ZFHX3: variants seen among roughly 807,000 people sequenced by gnomAD.
ZFHX3 encodes zinc finger homeobox 3.
In ZFHX3, 42 loss-of-function variants were observed where a neutral mutation model predicts 279.1. That is an observed-to-expected ratio of 0.15 (90% CI 0.12 to 0.19). The LOEUF is 0.19. Among genes scored for constraint, ZFHX3 ranks in the 10% least tolerant of loss-of-function variants. The probability of loss-of-function intolerance (pLI) is 1.00; values close to 1 mark genes in which losing one functional copy is unlikely to be tolerated. For synonymous variants in ZFHX3, 2,293 were observed against 1,957.8 expected (o/e 1.17, Z -4.52); for missense variants, 4,981 against 4,754.0 (o/e 1.05, Z -1.40).
At chr16:73,601,577 A>T (rs1403595713) in intron 2 of ZFHX3, among the ~76,000 whole-genome samples, 1 of 152,054 alleles carries the variant, frequency 6.6e-6, no homozygotes, top group Non-Finnish European at 1.5e-5. Context: ...AAATATGTTT[A>T]TGATTTTGTA....
At chr16:73,467,937 G>A (rs2018601122) in intron 2 of ZFHX3, among the ~76,000 whole-genome samples, 1 of 152,154 alleles carries the variant, frequency 6.6e-6, no homozygotes, top group Admixed American at 6.6e-5. Flanking sequence ...CCCAGCCTGT[G>A]GAATCTGTAA....
intron 1 of ZFHX3, among the ~76,000 whole-genome samples, chr16:73,716,419 G>A (rs558792847): frequency 6.6e-6 from 1 of 152,234 alleles, no homozygotes; most frequent in African/African-American, 2.4e-5. Context: ...CAATTAAGCT[G>A]CTGGCCAGGA....
intron 7 of ZFHX3, among the ~76,000 whole-genome samples, chr16:72,804,392 T>C (rs2036201526): frequency 6.6e-6 from 1 of 152,200 alleles, no homozygotes; most frequent in Non-Finnish European, 1.5e-5. Flanking sequence ...ACAAAAGCCT[T>C]AGAAATCTAA....
intron 5 of ZFHX3, among the ~76,000 whole-genome samples, chr16:73,146,006 C>T (rs1966861210): frequency 6.6e-6 from 1 of 152,120 alleles, no homozygotes; most frequent in South Asian, 2.1e-4. Context: ...TGGCATATAA[C>T]CAGGCTAGTA....
chr16:73,601,268 T>C (rs1382653354), intron 2 of ZFHX3, among the ~76,000 whole-genome samples: 1 of 140,156 alleles, frequency 7.1e-6, no homozygotes, highest in African/African-American at 2.7e-5. Context: ...CTGGCCAATA[T>C]GGTGAAACCC....
chr16:72,925,766 C>T (rs1959416698), intron 3 of ZFHX3, among the ~76,000 whole-genome samples: 1 of 152,202 alleles, frequency 6.6e-6, no homozygotes, highest in African/African-American at 2.4e-5. Context: ...CTACTCCTTC[C>T]CTGACCAAAC....
chr16:73,689,405 T>A (rs2053123831), intron 1 of ZFHX3, among the ~76,000 whole-genome samples: 1 of 152,212 alleles, frequency 6.6e-6, no homozygotes, highest in African/African-American at 2.4e-5. Context: ...CTGAGCTATG[T>A]GCACAAAGTA....
At chr16:73,197,666 T>A (rs921710397) in intron 5 of ZFHX3, among the ~76,000 whole-genome samples, 1 of 152,200 alleles carries the variant, frequency 6.6e-6, no homozygotes, top group East Asian at 1.9e-4. Context: ...TCATTTCTAA[T>A]GTTACATACT....
intron 2 of ZFHX3, among the ~76,000 whole-genome samples, chr16:73,641,087 C>T (rs925134567): frequency 6.6e-6 from 1 of 152,136 alleles, no homozygotes; most frequent in Non-Finnish European, 1.5e-5. Flanking sequence ...CAATTCTACA[C>T]CCACAGTATC....
intron 1 of ZFHX3, among the ~76,000 whole-genome samples, chr16:73,858,206 C>T (rs1961789442): frequency 6.6e-6 from 1 of 152,050 alleles, no homozygotes; most frequent in Non-Finnish European, 1.5e-5. Flanking sequence ...GTTGGGGCAT[C>T]CAATACAAGA....
chr16:72,798,639 G>A lies in ZFHX3; in HGVS notation c.4043C>T (p.Pro1348Leu). Residue 1348 changes from proline (P) to leucine (L), a missense_variant, in exon 9 of 10, where the codon CCT (proline) becomes CTT (leucine). Physicochemically the swap from Pro to Leu is moderately conservative, Grantham distance 98 (BLOSUM62 -3). This residue lies in a region of ZFHX3 where 1,751 missense variants were observed against 1,770.0 expected (regional missense o/e 0.99). Coordinates refer to ENST00000268489, the MANE Select transcript of ZFHX3 (RefSeq NM_006885.4). ...TEQSGDLKPS[P>L]ADPGSVREDS... ...TTCTCTCACAGAGCCTGGGTCAGCA[G>A]GGGATGGTTTCAAATCTCCGCTTTG... 1.2e-6 allele frequency: 2 copies of A among 1,613,946 alleles called. No homozygotes were observed. Among genetic ancestry groups the A allele is most frequent in the Non-Finnish European group, 1.7e-6 (2 of 1,179,968 alleles).
rs984975898 is a variant in ZFHX3 at position 73,280,552 on chromosome 16, T to C, written c.-1193-23416A>G. 2.0e-5 allele frequency among the ~76,000 whole-genome samples: 3 copies of C among 152,244 alleles called. No individual in the cohort carries two copies. In the South Asian group the frequency reaches 6.2e-4, roughly 32 times the overall value. On this transcript the variant is annotated intron_variant, in intron 4 of 17. Transcript: ENST00000641206. ...AGGGAAATGCAAATCAAAAGCACAA[T>C]GAGATGTCATCTCATGCTAGTTAGT...
chr16:73,713,641 T>C (rs533330817), intron 1 of ZFHX3, among the ~76,000 whole-genome samples: 1 of 151,778 alleles, frequency 6.6e-6, no homozygotes, highest in East Asian at 1.9e-4. Flanking sequence ...TTTTTTTTTT[T>C]TTATACTCTA....
chr16:73,855,554 G>C (rs1045695318), intron 1 of ZFHX3, among the ~76,000 whole-genome samples: 1 of 152,064 alleles, frequency 6.6e-6, no homozygotes, highest in African/African-American at 2.4e-5. Context: ...TCAAACAAGT[G>C]CCAAAACTCT....
intron 5 of ZFHX3, among the ~76,000 whole-genome samples, chr16:72,818,553 T>C (rs940302560): frequency 2.6e-5 from 4 of 152,182 alleles, no homozygotes; most frequent in Admixed American, 1.3e-4. Flanking sequence ...TCATTCTGCC[T>C]CCAACCAAGC....
At chr16:73,075,859 T>C (rs1965882652) in intron 8 of ZFHX3, among the ~76,000 whole-genome samples, 1 of 152,080 alleles carries the variant, frequency 6.6e-6, no homozygotes. Flanking sequence ...CTCGAACTCC[T>C]GACCTCGTGA....
chr16:73,696,806 T>C (rs2053201783), intron 1 of ZFHX3, among the ~76,000 whole-genome samples: 2 of 152,164 alleles, frequency 1.3e-5, no homozygotes, highest in African/African-American at 4.8e-5. Flanking sequence ...GGCTTTCATA[T>C]CTTTAGTCTT....
intron 3 of ZFHX3, among the ~76,000 whole-genome samples, chr16:73,445,999 C>T (rs978407874): frequency 3.3e-5 from 5 of 152,172 alleles, no homozygotes; most frequent in African/African-American, 1.2e-4. Flanking sequence ...TTATGCTTCT[C>T]TCAGTTCCTG....
At chr16:73,107,325 A>G (rs1293875784) in intron 7 of ZFHX3, among the ~76,000 whole-genome samples, 2 of 152,056 alleles carry the variant, frequency 1.3e-5, no homozygotes, top group Admixed American at 6.5e-5. Flanking sequence ...ATAATAAAAT[A>G]AAATAAAATA....
Sources: allele counts gnomAD v4.1 joint callset (sites outside exome capture counted in the v4.1 genomes callset), GRCh38; gene constraint gnomAD v4.1.1; regional missense constraint gnomAD v4.1.1; transcripts MANE v1.5; gene names NCBI Gene and HGNC (gene_info 2026-07-23, HGNC 2026-07-21).